Variants in JADE3 observed in about 807,000 individuals in gnomAD.
The protein encoded by JADE3 is protein Jade-3.
In JADE3, 2 loss-of-function variants were observed where a neutral mutation model predicts 50.1. The ratio of observed to expected loss-of-function variants is 0.04; its 90% CI spans 0.02 to 0.13. JADE3 has a LOEUF of 0.13. Ranked by LOEUF, JADE3 falls within the 10% of genes least tolerant of loss-of-function variation. The probability of loss-of-function intolerance (pLI) is 1.00; values close to 1 mark genes in which losing one functional copy is unlikely to be tolerated. For missense variants in JADE3, 475 were observed against 634.4 expected, an observed-to-expected ratio of 0.75 and a Z score of 2.70; for synonymous variants, 218 against 232.9, an observed-to-expected ratio of 0.94 and a Z score of 0.58.
chrX:46,989,446 A>C (rs782645958), intron 3 of JADE3, among the ~76,000 whole-genome samples: 101 of 111,616 alleles, frequency 9.0e-4, no homozygotes, highest in Non-Finnish European at 1.7e-3. Context: ...TTTCTCCTTC[A>C]TTCCTGAAGG....
intron 1 of JADE3, among the ~76,000 whole-genome samples, chrX:46,938,075 T>C (rs1015533222): frequency 8.9e-6 from 1 of 112,342 alleles, no homozygotes; most frequent in East Asian, 2.8e-4. Context: ...TATATCATTG[T>C]ATTTGAAGTG....
intron 8 of JADE3, among the ~76,000 whole-genome samples, chrX:47,050,948 A>G (rs1929490893): frequency 8.9e-6 from 1 of 112,453 alleles, no homozygotes; most frequent in Admixed American, 9.5e-5. Context: ...AAAGGTACCC[A>G]GGTAAAAGTA....
At chrX:46,981,882 GT>G (rs1345665818) in intron 1 of JADE3, among the ~76,000 whole-genome samples, 8 of 110,829 alleles carry the variant, frequency 7.2e-5, no homozygotes, top group Non-Finnish European at 1.5e-4. Flanking sequence ...GTGATGAGTT[GT>G]TTTTTTTCCC....
At chrX:47,041,829 C>T (rs1929265591) in intron 8 of JADE3, among the ~76,000 whole-genome samples, 1 of 109,833 alleles carries the variant, frequency 9.1e-6, no homozygotes, top group African/African-American at 3.3e-5. Flanking sequence ...GCACACACCA[C>T]CACACCCAGC....
At position 47,060,740 on chromosome X, in the gene JADE3, T is replaced by G. The variant is rs1929759318; in HGVS notation, c.*1663T>G. On this transcript the variant is annotated 3_prime_UTR_variant, in exon 11 of 11. Transcript: ENST00000614628. ...AAAACTATCAAAATGAGGAAGAGAA[T>G]TTCCCCTATTTATGCACTAGGTTTC... The G allele has an allele frequency of 8.9e-6, 1 of 112,238 alleles. No homozygotes were observed. 9.2% of individuals were successfully genotyped at this position (112,238 alleles called of 1,213,427 possible). A position where few individuals can be genotyped will look rare whatever the true frequency, so the allele number is the denominator to read the frequency against.
intron 3 of JADE3, among the ~76,000 whole-genome samples, chrX:46,990,981 A>G (rs1569536599): frequency 9.6e-6 from 1 of 103,805 alleles, no homozygotes; most frequent in Non-Finnish European, 2.0e-5. Context: ...TTCACTGAAC[A>G]TAGTGTTTTC....
Position 46,965,535 on chromosome X carries a change from C to G in JADE3, c.-11-19349C>G, listed in dbSNP as rs1056624150. Among the ~76,000 whole-genome samples the G allele has an allele frequency of 2.7e-5, 3 of 111,563 alleles. No individual in the cohort carries two copies. In the East Asian group the frequency reaches 8.4e-4, roughly 31 times the overall value. On this transcript the variant is annotated intron_variant, in intron 1 of 10. Transcript: ENST00000614628. ...ATACACAGGCCACTCTGAGAGCATA[C>G]TGCTGTTGATTGTCAAAGTGTGGGT... is the stretch of plus-strand genomic sequence containing the variant.
At chrX:46,994,312 C>T (rs1928077524) in intron 3 of JADE3, among the ~76,000 whole-genome samples, 3 of 112,017 alleles carry the variant, frequency 2.7e-5, no homozygotes, top group Admixed American at 9.5e-5. Flanking sequence ...GATGTGCACA[C>T]AGTGTTGGGC....
rs1237039088 is a variant in JADE3 at position 47,015,843 on chromosome X, C to G, written c.285-8881C>G. 8.5e-5 allele frequency among the ~76,000 whole-genome samples: 9 copies of G among 106,009 alleles called. No homozygotes were observed. The Admixed American group carries it at 9.3e-4, about 11-fold the overall frequency. 92.1% of individuals were successfully genotyped at this position (106,009 alleles called of 115,157 possible). A position where few individuals can be genotyped will look rare whatever the true frequency, so the allele number is the denominator to read the frequency against. ...CAAGAGATCCTCCTATCTCAGCCTC[C>G]TGAGTAGCTGGGACTACAGACGTGA... On this transcript the variant is annotated intron_variant, in intron 4 of 10. Coordinates refer to ENST00000614628, the MANE Select transcript of JADE3 (RefSeq NM_014735.5).
At chrX:46,973,755 G>GA (rs1556350972) in intron 1 of JADE3, among the ~76,000 whole-genome samples, 1 of 112,488 alleles carries the variant, frequency 8.9e-6, no homozygotes, top group Non-Finnish European at 1.9e-5. Flanking sequence ...ATCAGCTCAA[G>GA]AAACACATTT....
rs188531953 is a variant in JADE3, at chrX:46,942,223, C to T, written c.-12+29504C>T. Among the ~76,000 whole-genome samples, 515 of 111,465 alleles carry T rather than the reference C, an allele frequency of 4.6e-3. 2 individuals carry two copies. Among genetic ancestry groups the T allele is most frequent in the African/African-American group, 0.016 (495 of 30,667 alleles). ...GCTGTGCAGAAGCTCTTATTAGGTC[C>T]CACTGGTCAATTTTTGGTTTTGTTG... On this transcript the variant is annotated intron_variant, in intron 1 of 10. Coordinates refer to ENST00000614628, the MANE Select transcript of JADE3 (RefSeq NM_014735.5).
At chrX:47,002,927 C>T (rs1361188635) in intron 4 of JADE3, among the ~76,000 whole-genome samples, 1 of 111,319 alleles carries the variant, frequency 9.0e-6, no homozygotes, top group Non-Finnish European at 1.9e-5. Flanking sequence ...ATGATATTAA[C>T]TATAGGGTTT....
At chrX:47,034,971 C>A (rs1411357943) in intron 7 of JADE3, among the ~76,000 whole-genome samples, 1 of 110,821 alleles carries the variant, frequency 9.0e-6, no homozygotes, top group Non-Finnish European at 1.9e-5. Flanking sequence ...CTGCCAAAGA[C>A]CTTCTTTACT....
intron 2 of JADE3, 120 bp downstream of exon 2, chrX:46,985,060 A>G: frequency 1.9e-6 from 1 of 524,317 alleles, no homozygotes; most frequent in Non-Finnish European, 3.3e-6. Context: ...GTTTCTGAGA[A>G]GGAAAATTCA....
At chrX:47,047,564 A>G (rs918777710) in intron 8 of JADE3, among the ~76,000 whole-genome samples, 8 of 110,718 alleles carry the variant, frequency 7.2e-5, no homozygotes, top group African/African-American at 2.6e-4. Flanking sequence ...AAAAAAAAAA[A>G]GTAAATAAAC....
At chrX:46,990,081 C>G (rs1298040362) in intron 3 of JADE3, among the ~76,000 whole-genome samples, 3 of 15,140 alleles carry the variant, frequency 2.0e-4, no homozygotes, top group Non-Finnish European at 2.9e-3. Context: ...CTGAGACTTT[C>G]TGTTTTTTGT....
intron 8 of JADE3, among the ~76,000 whole-genome samples, chrX:47,047,305 G>C (rs782451142): frequency 8.9e-6 from 1 of 111,813 alleles, no homozygotes; most frequent in Non-Finnish European, 1.9e-5. Context: ...CCAGCACTTC[G>C]GGAGGCCAAG....
chrX:47,029,470 G>A (rs894426012), intron 6 of JADE3, among the ~76,000 whole-genome samples: 6 of 111,830 alleles, frequency 5.4e-5, no homozygotes, highest in African/African-American at 1.3e-4. Context: ...GTAAAGGACC[G>A]TCTGACAAAC....
At chrX:47,006,771 T>C (rs1182859937) in intron 4 of JADE3, among the ~76,000 whole-genome samples, 7 of 110,858 alleles carry the variant, frequency 6.3e-5, no homozygotes, top group African/African-American at 2.3e-4. Flanking sequence ...TAAATTTTCC[T>C]CTCAGCACCT....
Sources: gnomAD v4.1 joint callset for allele counts (sites outside exome capture counted in the v4.1 genomes callset) on GRCh38, gnomAD v4.1.1 for gene constraint, MANE v1.5 for transcripts, NCBI Gene and HGNC (gene_info 2026-07-23, HGNC 2026-07-21) for gene names.